The following USPL1 variants were observed in gnomAD, a reference collection of about 807,000 sequenced individuals.
The protein encoded by USPL1 is SUMO-specific isopeptidase USPL1.
In USPL1, 27 loss-of-function variants were observed where a neutral mutation model predicts 51.5. That is an observed-to-expected ratio of 0.52 (90% CI 0.39 to 0.72). The LOEUF is 0.72. USPL1 is among the 30% of genes least tolerant of loss of function. USPL1 has a pLI of 0.00. For synonymous variants in USPL1, 451 were observed against 459.6 expected (o/e 0.98, Z 0.24); for missense variants, 1,226 against 1,268.0 (o/e 0.97, Z 0.50).
intron 3 of USPL1, among the ~76,000 whole-genome samples, chr13:30,624,633 A>T (rs902199406): frequency 1.3e-5 from 2 of 152,202 alleles, no homozygotes; most frequent in Middle Eastern, 3.2e-3. Context: ...ATTAAAAGAA[A>T]AAAAAAAGAC....
At chr13:30,650,034 G>T (rs1385807387) in intron 7 of USPL1, among the ~76,000 whole-genome samples, 1 of 152,030 alleles carries the variant, frequency 6.6e-6, no homozygotes, top group Non-Finnish European at 1.5e-5. Flanking sequence ...TAGGGATAAA[G>T]TTTAGTAGAG....
chr13:30,629,724 A>G (rs999815596), intron 3 of USPL1, among the ~76,000 whole-genome samples: 1 of 152,120 alleles, frequency 6.6e-6, no homozygotes, highest in Non-Finnish European at 1.5e-5. Flanking sequence ...AGCTGGGACT[A>G]AGAAGGAGTG....
intron 4 of USPL1, among the ~76,000 whole-genome samples, chr13:30,636,176 C>A (rs139006898): frequency 3.3e-3 from 500 of 152,256 alleles, no homozygotes; most frequent in Non-Finnish European, 5.9e-3. Context: ...ATTACAGAAA[C>A]CCCAGTGTTA....
intron 5 of USPL1, among the ~76,000 whole-genome samples, chr13:30,640,881 T>C (rs1288368435): frequency 6.6e-6 from 1 of 152,176 alleles, no homozygotes; most frequent in Non-Finnish European, 1.5e-5. Flanking sequence ...GGAAATATAA[T>C]ACTGTTTGAT....
At chr13:30,643,400 A>G (rs1180395921) in intron 6 of USPL1, among the ~76,000 whole-genome samples, 1 of 152,094 alleles carries the variant, frequency 6.6e-6, no homozygotes, top group Non-Finnish European at 1.5e-5. Flanking sequence ...TACATTTCAG[A>G]TAAGAGATAT....
At position 30,658,180 on chromosome 13, in the gene USPL1, G is replaced by A; in HGVS notation, c.2103G>A (p.Gln701=). 8 of 1,612,942 alleles carry A rather than the reference G, an allele frequency of 5.0e-6. No individual in the cohort carries two copies. Among genetic ancestry groups the A allele is most frequent in the Non-Finnish European group, 6.8e-6 (8 of 1,179,794 alleles). Residue 701 remains glutamine (Q), a synonymous_variant, in exon 9 of 9, where the codon CAG becomes CAA. Transcript: ENST00000255304. ...VKSVEIEKDA[Q]LKQFLTPKTE... ...CAGTAGAAATTGAGAAGGACGCTCAGTTAAAACAATTCCTTACACCAAAAA... is the reference window on the plus strand; with the variant it reads ...CAGTAGAAATTGAGAAGGACGCTCAATTAAAACAATTCCTTACACCAAAAA...
chr13:30,642,306 T>A (rs1285988650), intron 5 of USPL1, among the ~76,000 whole-genome samples: 1 of 151,976 alleles, frequency 6.6e-6, no homozygotes, highest in Non-Finnish European at 1.5e-5. Context: ...AGTTCCGAGA[T>A]CTTTTTTTTT....
intron 4 of USPL1, among the ~76,000 whole-genome samples, chr13:30,635,133 G>A (rs1489983587): frequency 6.6e-6 from 1 of 152,112 alleles, no homozygotes; most frequent in African/African-American, 2.4e-5. Flanking sequence ...TGCAGCTTGT[G>A]TTTTTACTTT....
chr13:30,639,418 T>C (rs1316087723), intron 5 of USPL1, among the ~76,000 whole-genome samples: 1 of 152,084 alleles, frequency 6.6e-6, no homozygotes, highest in Non-Finnish European at 1.5e-5. Context: ...GTATATCTGC[T>C]TTATTTTTCA....
rs1265712403 is a variant in USPL1 at position 30,657,744 on chromosome 13, C to G, written c.1667C>G (p.Ala556Gly). The change falls in exon 9 of 9, where the codon GCC (alanine) becomes GGC (glycine). Residue 556 changes from alanine to glycine, a missense_variant. Coordinates refer to ENST00000255304, the MANE Select transcript of USPL1 (RefSeq NM_005800.5). ...SVTHPKDISV[A>G]PRTLSQDTAV... is the part of the protein sequence containing the mutation. ...ACTCACCCTAAAGATATATCAGTTG[C>G]CCCTCGTACTCTTTCACAGGACACA... 1.2e-6 allele frequency: 2 copies of G among 1,614,040 alleles called. No individual in the cohort carries two copies. The highest frequency in any genetic ancestry group is 4.5e-5 in the East Asian group (2 of 44,894).
intron 8 of USPL1, among the ~76,000 whole-genome samples, chr13:30,655,426 C>T (rs560091056): frequency 7.2e-5 from 11 of 152,252 alleles, no homozygotes; most frequent in Admixed American, 3.3e-4. Context: ...TCTCTTTCTC[C>T]TTTCTTAATC....
chr13:30,651,480 T>C (rs1593390385), intron 7 of USPL1, among the ~76,000 whole-genome samples: 2 of 152,326 alleles, frequency 1.3e-5, no homozygotes, highest in Admixed American at 1.3e-4. Context: ...AGCATAAAAA[T>C]GTGTCAGGTG....
intron 8 of USPL1, among the ~76,000 whole-genome samples, chr13:30,655,469 A>G (rs894812482): frequency 2.0e-5 from 3 of 152,178 alleles, no homozygotes; most frequent in African/African-American, 7.2e-5. Flanking sequence ...CTTTGTAGGA[A>G]GGCTTTGAAG....
intron 3 of USPL1, among the ~76,000 whole-genome samples, chr13:30,629,963 CTATTATTATTAT>C (rs142884305): frequency 2.0e-5 from 3 of 151,040 alleles, no homozygotes; most frequent in Non-Finnish European, 4.4e-5. Flanking sequence ...CATTAATTAA[CTATTATTATTAT>C]TATTATTATT....
chr13:30,624,181 AC>A (rs1950680676), intron 3 of USPL1, among the ~76,000 whole-genome samples: 1 of 152,128 alleles, frequency 6.6e-6, no homozygotes, highest in Non-Finnish European at 1.5e-5. Context: ...ATTATAGGAT[AC>A]CCATTTGGTG....
intron 8 of USPL1, among the ~76,000 whole-genome samples, chr13:30,654,044 T>G (rs1482954933): frequency 6.6e-6 from 1 of 152,252 alleles, no homozygotes; most frequent in Non-Finnish European, 1.5e-5. Flanking sequence ...ACTTATGTTA[T>G]AAATGTAATT....
At chr13:30,650,513 G>A (rs967033903) in intron 7 of USPL1, among the ~76,000 whole-genome samples, 24 of 150,750 alleles carry the variant, frequency 1.6e-4, no homozygotes, top group African/African-American at 5.4e-4. Flanking sequence ...GGAGGCAAAG[G>A]TTTCAGTGAG....
At position 30,635,591 on chromosome 13, in the gene USPL1, A is replaced by G. The variant is rs994925132; in HGVS notation, c.869-2153A>G. ...ATTCAACTTCTTTTGAAGTGTCTTG[A>G]TGCATATTTTTTCTGATCTTACTTG... On this transcript the variant is annotated intron_variant, in intron 4 of 8. Coordinates refer to ENST00000255304, the MANE Select transcript of USPL1 (RefSeq NM_005800.5). Among the ~76,000 whole-genome samples, 4 of 152,256 alleles carry G rather than the reference A, an allele frequency of 2.6e-5. No individual in the cohort carries two copies. The South Asian group carries it at 8.3e-4, about 32-fold the overall frequency.
chr13:30,621,724 A>G, intron 2 of USPL1, 40 bp from the exon 3 acceptor site: 1 of 1,390,122 alleles, frequency 7.2e-7, no homozygotes, highest in South Asian at 1.7e-5. Context: ...GATATATTCT[A>G]GGAATGTCTA....
Sources: gnomAD v4.1 joint callset for allele counts (sites outside exome capture counted in the v4.1 genomes callset) on GRCh38, gnomAD v4.1.1 for gene constraint, MANE v1.5 for transcripts, NCBI Gene and HGNC (gene_info 2026-07-23, HGNC 2026-07-21) for gene names.